The following PCDHA11 variants were observed in gnomAD, a reference collection of about 807,000 sequenced individuals.
PCDHA11 encodes protocadherin alpha-11.
In PCDHA11, 61 loss-of-function variants were observed where a neutral mutation model predicts 70.3. That is an observed-to-expected ratio of 0.87 (90% confidence interval 0.71 to 1.07). The LOEUF (loss-of-function observed/expected upper bound fraction) is 1.07, where lower values mean the gene tolerates loss of function less well. Among genes scored for constraint, PCDHA11 ranks in the 50% least tolerant of loss-of-function variants. PCDHA11 has a pLI of 0.00. For synonymous variants in PCDHA11, 633 were observed against 555.1 expected (o/e 1.14, Z -1.97); for missense variants, 1,324 against 1,237.5 (o/e 1.07, Z -1.05).
Position 140,870,939 on chromosome 5 carries a change from G to C in PCDHA11, c.1836G>C (p.Pro612=), listed in dbSNP as rs555504652. Residue 612 remains proline, a synonymous_variant, in exon 1 of 4, where the codon CCG becomes CCC. Coordinates refer to ENST00000398640, the MANE Select transcript of PCDHA11 (RefSeq NM_018902.5). ...YNAWLSYELQ[P]AAGGSRIPFR... is the part of the protein sequence containing the mutation. ...CGTGGCTTTCATATGAATTGCAGCC[G>C]GCGGCGGGCGGCTCGCGCATCCCGT... The C allele has an allele frequency of 6.2e-7, 1 of 1,613,732 alleles. No homozygotes were observed. The highest frequency in any genetic ancestry group is 1.1e-5 in the South Asian group (1 of 91,078).
chr5:140,887,125 C>A (rs1391575318), intron 1 of PCDHA11, among the ~76,000 whole-genome samples: 1 of 150,082 alleles, frequency 6.7e-6, no homozygotes, highest in East Asian at 2.0e-4. Context: ...GAGACGGAGT[C>A]TCACTCTGTC....
At chr5:140,882,535 G>A (rs2059175245) in intron 1 of PCDHA11, 4 of 1,614,232 alleles carry the variant, frequency 2.5e-6, no homozygotes, top group East Asian at 2.2e-5. Flanking sequence ...TGAATTCTCG[G>A]ATCGACCGCG....
chr5:140,984,666 G>T (rs769681431), intron 3 of PCDHA11, among the ~76,000 whole-genome samples: 115 of 152,058 alleles, frequency 7.6e-4, no homozygotes, highest in Admixed American at 1.2e-3. Flanking sequence ...GTACTTTTAG[G>T]TTTTTAGGAC....
At chr5:141,004,597 C>CTTAG (rs1554259623) in intron 3 of PCDHA11, among the ~76,000 whole-genome samples, 1 of 152,218 alleles carries the variant, frequency 6.6e-6, no homozygotes, top group African/African-American at 2.4e-5. Flanking sequence ...GATGACAGTG[C>CTTAG]TTAGGCCTCA....
At chr5:140,949,042 G>A (rs2094338452) in intron 1 of PCDHA11, among the ~76,000 whole-genome samples, 2 of 151,644 alleles carry the variant, frequency 1.3e-5, no homozygotes, top group African/African-American at 2.4e-5. Flanking sequence ...TTAAAAGTAT[G>A]TTCTAATTTC....
chr5:140,985,273 T>C (rs1554246915), intron 3 of PCDHA11, among the ~76,000 whole-genome samples: 1 of 152,178 alleles, frequency 6.6e-6, no homozygotes, highest in African/African-American at 2.4e-5. Context: ...GGACTACTTT[T>C]CTGCAATCTA....
chr5:140,898,670 C>T (rs574817267), intron 1 of PCDHA11, among the ~76,000 whole-genome samples: 20 of 152,200 alleles, frequency 1.3e-4, no homozygotes, highest in South Asian at 6.2e-4. Context: ...CTTGGTGTTG[C>T]GGGCTGTTTT....
Position 140,869,657 on chromosome 5 carries a change from A to G in PCDHA11, c.554A>G (p.Asn185Ser), listed in dbSNP as rs2051312714. 6.2e-7 allele frequency: 1 copy of G among 1,613,452 alleles called. No individual in the cohort carries two copies. The highest frequency in any genetic ancestry group is 1.1e-5 in the South Asian group (1 of 91,080). The change falls in exon 1 of 4, where the codon AAT becomes AGT. Residue 185 changes from asparagine to serine, a missense_variant. Physicochemically the swap from Asn to Ser is conservative, Grantham distance 46. Coordinates refer to ENST00000398640, the MANE Select transcript of PCDHA11 (RefSeq NM_018902.5). ...NEYFSLDSPT[N>S]GKQIKRLSLI... ...TATTTTTCTTTAGATTCACCAACAA[A>G]TGGTAAGCAGATTAAAAGACTGTCA...
chr5:140,939,607 A>G (rs1396731179), intron 1 of PCDHA11, among the ~76,000 whole-genome samples: 2 of 152,244 alleles, frequency 1.3e-5, no homozygotes, highest in Non-Finnish European at 2.9e-5. Flanking sequence ...CAAAAACAGA[A>G]CAAGGAGACA....
intron 1 of PCDHA11, 149 bp from the exon 2 acceptor site, chr5:140,978,800 T>C: frequency 6.8e-7 from 1 of 1,480,668 alleles, no homozygotes; most frequent in South Asian, 1.4e-5. Flanking sequence ...TATATGTAGA[T>C]ATCATCATAG....
chr5:140,960,597 C>T (rs1315375637), intron 1 of PCDHA11, among the ~76,000 whole-genome samples: 1 of 152,092 alleles, frequency 6.6e-6, no homozygotes, highest in South Asian at 2.1e-4. Context: ...ATTCAAGGTA[C>T]TTCAACAATA....
At chr5:140,911,158 G>A (rs1274383238) in intron 1 of PCDHA11, among the ~76,000 whole-genome samples, 1 of 152,162 alleles carries the variant, frequency 6.6e-6, no homozygotes, top group African/African-American at 2.4e-5. Context: ...TCAGACAAAT[G>A]TGGAAAGGCT....
intron 1 of PCDHA11, among the ~76,000 whole-genome samples, chr5:140,873,452 C>A (rs147398020): frequency 6.4e-4 from 97 of 152,122 alleles, no homozygotes; most frequent in Non-Finnish European, 1.1e-3. Context: ...AACAAATTTG[C>A]ATTTTAGATA....
intron 1 of PCDHA11, among the ~76,000 whole-genome samples, chr5:140,933,901 C>T (rs1218971055): frequency 4.0e-5 from 6 of 151,882 alleles, no homozygotes; most frequent in African/African-American, 1.2e-4. Context: ...AATATTTTGG[C>T]ATAAAGTTGT....
intron 1 of PCDHA11, among the ~76,000 whole-genome samples, chr5:140,902,299 A>G (rs2069363932): frequency 6.6e-6 from 1 of 150,916 alleles, no homozygotes; most frequent in Admixed American, 6.6e-5. Flanking sequence ...CAGCCTCCCA[A>G]AGTGCTGGGA....
intron 3 of PCDHA11, 22 bp downstream of exon 3, chr5:140,982,585 ATTCT>A: frequency 6.2e-7 from 1 of 1,611,974 alleles, no homozygotes; most frequent in Non-Finnish European, 8.5e-7. Flanking sequence ...GGGTCTCTCC[ATTCT>A]TTCTTGGTTT....
intron 1 of PCDHA11, among the ~76,000 whole-genome samples, chr5:140,935,464 G>A (rs2090388076): frequency 6.6e-6 from 1 of 152,146 alleles, no homozygotes; most frequent in Admixed American, 6.5e-5. Context: ...AGCAGTTTAA[G>A]TTTTTGTCAT....
At chr5:140,947,780 A>G (rs2094176112) in intron 1 of PCDHA11, among the ~76,000 whole-genome samples, 1 of 151,588 alleles carries the variant, frequency 6.6e-6, no homozygotes, top group Non-Finnish European at 1.5e-5. Flanking sequence ...TTGTAAATGG[A>G]TTTTAAACAG....
rs537764090 is a variant in PCDHA11 at position 140,925,273 on chromosome 5, AT to A, written c.2392-53672del. Reference sequence around the variant, plus strand: ...ACTTTAATTCTTGATCTGTGTTCAGATTTTGCCTTTCAAATGTTTCATTATT... The same window carrying A: ...ACTTTAATTCTTGATCTGTGTTCAGATTTGCCTTTCAAATGTTTCATTATT... On this transcript the variant is annotated intron_variant, in intron 1 of 3. Transcript: ENST00000398640. Among the ~76,000 whole-genome samples, 1,221 of 152,228 alleles carry A rather than the reference AT, an allele frequency of 8.0e-3. 6 individuals are homozygous for A. Among genetic ancestry groups the A allele is most frequent in the African/African-American group, 0.019 (789 of 41,534 alleles).
Sources: allele counts gnomAD v4.1 joint callset (sites outside exome capture counted in the v4.1 genomes callset), GRCh38; gene constraint gnomAD v4.1.1; transcripts MANE v1.5; gene names NCBI Gene and HGNC (gene_info 2026-07-23, HGNC 2026-07-21).